Variants in NCR1 observed in about 807,000 individuals in gnomAD.
NCR1 encodes natural cytotoxicity triggering receptor 1, also known as NK cell-activating receptor.
Under a neutral mutation model 32.5 loss-of-function variants are expected in NCR1, and 30 were observed. That is an observed-to-expected ratio of 0.92 (90% confidence interval 0.69 to 1.25). The LOEUF (loss-of-function observed/expected upper bound fraction) is 1.25, where lower values mean the gene tolerates loss of function less well. Ranked by LOEUF, NCR1 falls within the 50% of genes most tolerant of loss-of-function variation. NCR1 has a pLI of 0.00. For missense variants in NCR1, 369 were observed against 380.7 expected (o/e 0.97, Z 0.26); for synonymous variants, 169 against 143.4 (o/e 1.18, Z -1.28).
At chr19:54,917,725 G>A (rs189358967), downstream of NCR1, among the ~76,000 whole-genome samples, 153 of 152,238 alleles carry the variant, frequency 1.0e-3, no homozygotes, top group African/African-American at 3.5e-3. Flanking sequence ...ATGACTTGGG[G>A]AGGGGTTCTA....
At chr19:54,923,061 G>A in the NCR1 span, among the ~76,000 whole-genome samples, 1 of 152,160 alleles carries the variant, frequency 6.6e-6, no homozygotes, top group African/African-American at 2.4e-5. Context: ...GCCATCTTCT[G>A]AATTAAAGGC....
chr19:54,931,720 C>T, the NCR1 span, among the ~76,000 whole-genome samples: 1,815 of 151,782 alleles, frequency 0.012, 35 homozygotes, highest in African/African-American at 0.041. Context: ...TGTGGCGGCC[C>T]ATGCCTGTAA....
chr19:54,904,351 T>C (rs1001496792), upstream of NCR1, among the ~76,000 whole-genome samples: 2 of 151,882 alleles, frequency 1.3e-5, no homozygotes, highest in South Asian at 2.1e-4. Flanking sequence ...CCCCTATTTT[T>C]ATCTTTTTAG....
chr19:54,927,770 C>T, the NCR1 span: 1 of 1,613,856 alleles, frequency 6.2e-7, no homozygotes, highest in Non-Finnish European at 8.5e-7. Context: ...GGAGCAGCTC[C>T]AGAGGCTGTT....
the NCR1 span, chr19:54,938,160 G>T: frequency 6.2e-7 from 1 of 1,614,030 alleles, no homozygotes; most frequent in Admixed American, 1.7e-5. Flanking sequence ...TGTTTGAGCT[G>T]AAGAGAGAGC....
downstream of NCR1, among the ~76,000 whole-genome samples, chr19:54,919,637 C>T (rs1022437385): frequency 1.6e-4 from 24 of 151,558 alleles, no homozygotes; most frequent in African/African-American, 5.8e-4. Flanking sequence ...TAACTGCGGG[C>T]GAGCCTGACT....
chr19:54,921,050 G>A (rs987923680), downstream of NCR1, among the ~76,000 whole-genome samples: 21 of 152,250 alleles, frequency 1.4e-4, no homozygotes, highest in African/African-American at 5.1e-4. Flanking sequence ...AAAATATTTA[G>A]GGGAAAAAAA....
At chr19:54,916,317 CTTTT>C (rs71181711), downstream of NCR1, among the ~76,000 whole-genome samples, 179 of 87,098 alleles carry the variant, frequency 2.1e-3, 2 homozygotes, top group East Asian at 0.025. Flanking sequence ...GAATATTGTG[CTTTT>C]TTTTTTTTTT....
At chr19:54,937,412 C>T in the NCR1 span, among the ~76,000 whole-genome samples, 9 of 151,734 alleles carry the variant, frequency 5.9e-5, no homozygotes, top group Non-Finnish European at 1.0e-4. Flanking sequence ...ATAGCTGGGG[C>T]CAGGCATGGT....
the NCR1 span, chr19:54,934,766 A>G: frequency 1.1e-6 from 1 of 921,500 alleles, no homozygotes; most frequent in Non-Finnish European, 1.6e-6. The surrounding 1 kb of genome is among the most constrained non-coding windows in gnomAD (Gnocchi z 6.7). Context: ...CTGGAATGCA[A>G]AGGCGTGATC....
the NCR1 span, chr19:54,930,560 G>A: frequency 2.5e-6 from 4 of 1,612,194 alleles, no homozygotes; most frequent in East Asian, 2.2e-5. Flanking sequence ...CACAATCCAC[G>A]AGCTATCTGG....
chr19:54,909,617 G>A (rs2067851893), intron 4 of NCR1, 94 bp downstream of exon 4: 6 of 1,443,072 alleles, frequency 4.2e-6, no homozygotes, highest in Admixed American at 2.2e-5. Flanking sequence ...GGTGTCCAAG[G>A]GACGTCCACT....
In NCR1 at chr19:54,913,056, T is replaced by C. The variant is rs2068056832; in HGVS notation, c.*185T>C. On this transcript the variant is annotated 3_prime_UTR_variant, in exon 7 of 7. Transcript: ENST00000291890. ...GTGGGAGAACTACATGCTAAATTTC[T>C]TTTTTTTTTTTTTTGAGACAGAGTT... The C allele has an allele frequency of 1.4e-5, 1 of 72,006 alleles. No homozygotes were observed. The highest frequency in any genetic ancestry group is 2.0e-5 in the Non-Finnish European group (1 of 50,500). 4.5% of individuals were successfully genotyped at this position (72,006 alleles called of 1,614,324 possible).
In NCR1 at chr19:54,906,161, C is replaced by T. The variant is rs1201913911; in HGVS notation, c.-27C>T. The T allele has an allele frequency of 5.6e-6, 9 of 1,614,120 alleles. No individual in the cohort carries two copies. The highest frequency in any genetic ancestry group is 7.6e-6 in the Non-Finnish European group (9 of 1,180,044). On this transcript the variant is annotated 5_prime_UTR_variant, in exon 1 of 7. Coordinates refer to ENST00000291890, the MANE Select transcript of NCR1 (RefSeq NM_004829.7). ...CCCGCCCGGCTCAGTCCCCACTGCT[C>T]AGCACTAGGCCGGCAGAATCTGAGC...
downstream of NCR1, among the ~76,000 whole-genome samples, chr19:54,913,331 G>T (rs2068064686): frequency 6.6e-6 from 1 of 152,152 alleles, no homozygotes; most frequent in African/African-American, 2.4e-5. Flanking sequence ...TGGGATTACA[G>T]GCATAAGCCG....
intron 6 of NCR1, 39 bp downstream of exon 6, chr19:54,912,257 G>T: frequency 6.3e-7 from 1 of 1,593,596 alleles, no homozygotes; most frequent in Non-Finnish European, 8.6e-7. Context: ...TGAAGGAAGG[G>T]GCTGGGCATA....
In NCR1 at chr19:54,912,735, GC is replaced by G; in HGVS notation, c.781del (p.Leu261TrpfsTer4). 3 of 1,613,796 alleles carry G rather than the reference GC, an allele frequency of 1.9e-6. No homozygotes were observed. The highest frequency in any genetic ancestry group is 2.5e-6 in the Non-Finnish European group (3 of 1,179,946). On this transcript the variant is annotated frameshift_variant, in exon 7 of 7. Coordinates refer to ENST00000291890, the MANE Select transcript of NCR1 (RefSeq NM_004829.7). LOFTEE classifies it low-confidence loss of function (END_TRUNC). ...ACTGCCCAGAATCTCCTTCGGATGGGCCTGGCCTTTCTAGTCCTGGTGGCTC... is the reference window on the plus strand; with the variant it reads ...ACTGCCCAGAATCTCCTTCGGATGGGCTGGCCTTTCTAGTCCTGGTGGCTC... ...DHTAQNLLRM[G>X]LAFLVLVALV...
the NCR1 span, among the ~76,000 whole-genome samples, chr19:54,927,110 C>T: frequency 2.7e-4 from 39 of 146,000 alleles, no homozygotes; most frequent in Admixed American, 2.0e-3. Flanking sequence ...CCAAAAAGGC[C>T]GGGTGCAATG....
the NCR1 span, among the ~76,000 whole-genome samples, chr19:54,927,295 C>T: frequency 2.0e-5 from 3 of 151,180 alleles, no homozygotes; most frequent in Non-Finnish European, 4.4e-5. Flanking sequence ...GTGGGAGAAT[C>T]GCTTGAACCC....
Sources: gnomAD v4.1 joint callset for allele counts (sites outside exome capture counted in the v4.1 genomes callset) on GRCh38, gnomAD v4.1.1 for gene constraint, Gnocchi (gnomAD v3.1) non-coding constraint, MANE v1.5 for transcripts, NCBI Gene and HGNC (gene_info 2026-07-23, HGNC 2026-07-21) for gene names.